The following FUT9 variants were observed in gnomAD, a reference collection of about 807,000 sequenced individuals.
FUT9 encodes the protein 4-galactosyl-N-acetylglucosaminide 3-alpha-L-fucosyltransferase 9.
FUT9 carries 15 observed loss-of-function variants against 29.7 expected under a neutral mutation model. That is an observed-to-expected ratio of 0.51 (90% CI 0.34 to 0.78). The LOEUF is 0.78. FUT9 is among the 30% of genes least tolerant of loss of function. FUT9 has a pLI of 0.01. For synonymous variants in FUT9, 169 were observed against 153.7 expected (o/e 1.10, Z -0.74); for missense variants, 319 against 425.4 (o/e 0.75, Z 2.20).
At chr6:96,118,938 G>T (rs1052671700) in intron 2 of FUT9, among the ~76,000 whole-genome samples, 2 of 151,834 alleles carry the variant, frequency 1.3e-5, no homozygotes, top group East Asian at 1.9e-4. Flanking sequence ...ATTAAAGAAA[G>T]AAATTATTTT....
chr6:96,025,286 C>T (rs1048283890), intron 1 of FUT9, among the ~76,000 whole-genome samples: 5 of 151,696 alleles, frequency 3.3e-5, no homozygotes, highest in Admixed American at 1.3e-4. Flanking sequence ...ACAAGGAACT[C>T]GTTCCATTTA....
chr6:96,144,105 C>T (rs1772519552), intron 2 of FUT9, among the ~76,000 whole-genome samples: 1 of 152,216 alleles, frequency 6.6e-6, no homozygotes, highest in African/African-American at 2.4e-5. Flanking sequence ...GTTTTCTCGA[C>T]ATGGAGGCTT....
intron 1 of FUT9, among the ~76,000 whole-genome samples, chr6:96,104,861 T>C (rs1771648980): frequency 1.3e-5 from 2 of 152,216 alleles, no homozygotes; most frequent in South Asian, 4.1e-4. Context: ...TGTAGTTTTC[T>C]ACACAAAATA....
At chr6:96,131,471 C>T (rs554762855) in intron 2 of FUT9, among the ~76,000 whole-genome samples, 2 of 152,110 alleles carry the variant, frequency 1.3e-5, no homozygotes, top group Non-Finnish European at 2.9e-5. Flanking sequence ...AACACACACA[C>T]CTTTGTTTCA....
At chr6:96,119,949 A>G (rs538155112) in intron 2 of FUT9, among the ~76,000 whole-genome samples, 1 of 152,320 alleles carries the variant, frequency 6.6e-6, no homozygotes, top group South Asian at 2.1e-4. Flanking sequence ...CAATAGAGAA[A>G]CAATTTCTAT....
chr6:96,155,960 T>G (rs187521510), intron 2 of FUT9, among the ~76,000 whole-genome samples: 102 of 152,294 alleles, frequency 6.7e-4, no homozygotes, highest in African/African-American at 2.3e-3. Flanking sequence ...TTTGTTTGCT[T>G]TTTGTTAACT....
At chr6:96,078,414 T>C (rs1356462406) in intron 1 of FUT9, among the ~76,000 whole-genome samples, 7 of 87,958 alleles carry the variant, frequency 8.0e-5, no homozygotes, top group African/African-American at 2.7e-4. Context: ...TCTTCTTTTT[T>C]TTTTTTTTTT....
chr6:96,021,244 A>T (rs2127921174), intron 1 of FUT9, among the ~76,000 whole-genome samples: 1 of 152,094 alleles, frequency 6.6e-6, no homozygotes, highest in African/African-American at 2.4e-5. Context: ...TTTCTATACT[A>T]ATTTTAACTC....
In FUT9 at chr6:96,161,132, A is replaced by G. The variant is rs145498073; in HGVS notation, c.-8-42016A>G. ...AAGACTTTATAGCTAGAAATTTGCT[A>G]TCATCTGAATGTTTATATCTGCCCC... On this transcript the variant is annotated intron_variant, in intron 2 of 2. Coordinates refer to ENST00000302103, the MANE Select transcript of FUT9 (RefSeq NM_006581.4). Among the ~76,000 whole-genome samples, 527 of 152,306 alleles carry G rather than the reference A, an allele frequency of 3.5e-3. 1 individual carries two copies. The highest frequency in any genetic ancestry group is 0.011 in the African/African-American group (470 of 41,572).
intron 2 of FUT9, among the ~76,000 whole-genome samples, chr6:96,202,333 CG>C (rs2127991355): frequency 6.6e-6 from 1 of 151,806 alleles, no homozygotes; most frequent in Non-Finnish European, 1.5e-5. Flanking sequence ...TTTATAATAC[CG>C]ATATCATCTT....
chr6:96,069,229 T>G (rs1771011844), intron 1 of FUT9, among the ~76,000 whole-genome samples: 1 of 151,860 alleles, frequency 6.6e-6, no homozygotes, highest in Non-Finnish European at 1.5e-5. Context: ...GCAGGAGCAT[T>G]GCTTGAACCG....
chr6:96,071,375 A>C (rs1481162570), intron 1 of FUT9, among the ~76,000 whole-genome samples: 2 of 152,218 alleles, frequency 1.3e-5, no homozygotes, highest in African/African-American at 4.8e-5. Flanking sequence ...GGTAGTTATT[A>C]TGGAGAGGAT....
chr6:96,031,174 A>C (rs1006571416), intron 1 of FUT9, among the ~76,000 whole-genome samples: 1 of 151,652 alleles, frequency 6.6e-6, no homozygotes. Context: ...ACTTTCTAAC[A>C]GTGCCTAGAG....
chr6:96,036,646 C>T (rs1770370088), intron 1 of FUT9: 1 of 151,804 alleles, frequency 6.6e-6, no homozygotes. Flanking sequence ...CCTTACAGAA[C>T]CTTAAGTTTC....
In FUT9 at chr6:96,119,513, T is replaced by C. The variant is rs1214589549; in HGVS notation, c.-9+5386T>C. ...CATCTTTAAGTGACACATGACTGTATATAAAGTGTTTTTTACTTCAAAATA... is the reference window on the plus strand; with the variant it reads ...CATCTTTAAGTGACACATGACTGTACATAAAGTGTTTTTTACTTCAAAATA... On this transcript the variant is annotated intron_variant, in intron 2 of 2. Transcript: ENST00000302103. 2.0e-5 allele frequency among the ~76,000 whole-genome samples: 3 copies of C among 152,192 alleles called. No individual in the cohort carries two copies. In the East Asian group the frequency reaches 5.8e-4, roughly 29 times the overall value.
At chr6:96,125,857 A>C (rs1366971986) in intron 2 of FUT9, among the ~76,000 whole-genome samples, 7 of 152,102 alleles carry the variant, frequency 4.6e-5, no homozygotes, top group African/African-American at 1.7e-4. Context: ...GTTTATTTTC[A>C]TTATAGCTGC....
chr6:96,038,441 T>C (rs1247424859), intron 1 of FUT9, among the ~76,000 whole-genome samples: 1 of 152,152 alleles, frequency 6.6e-6, no homozygotes, highest in Non-Finnish European at 1.5e-5. Flanking sequence ...GTTAAAACTA[T>C]AAAGTGAATT....
chr6:96,075,615 C>T lies in FUT9; in HGVS notation c.-97-38424C>T, dbSNP rs76763400. On this transcript the variant is annotated intron_variant, in intron 1 of 2. Coordinates refer to ENST00000302103, the MANE Select transcript of FUT9 (RefSeq NM_006581.4). Reference sequence around the variant, plus strand: ...ATTATATTTTGAAAGGAAAATTATACGGACTTGGATCTTCTTATAATATGA... The same window carrying T: ...ATTATATTTTGAAAGGAAAATTATATGGACTTGGATCTTCTTATAATATGA... 3.1e-3 allele frequency among the ~76,000 whole-genome samples: 474 copies of T among 152,140 alleles called. 1 individual carries two copies. The highest frequency in any genetic ancestry group is 6.1e-3 in the African/African-American group (253 of 41,500).
At chr6:96,021,655 C>A (rs1273388091) in intron 1 of FUT9, among the ~76,000 whole-genome samples, 1 of 151,862 alleles carries the variant, frequency 6.6e-6, no homozygotes, top group East Asian at 1.9e-4. Context: ...AGTTGCAATT[C>A]AGTGATAGAA....
Sources: gnomAD v4.1 joint callset for allele counts (sites outside exome capture counted in the v4.1 genomes callset) on GRCh38, gnomAD v4.1.1 for gene constraint, MANE v1.5 for transcripts, NCBI Gene and HGNC (gene_info 2026-07-23, HGNC 2026-07-21) for gene names.